Variants in SPIDR observed in about 807,000 individuals in gnomAD.
SPIDR encodes the protein DNA repair-scaffolding protein.
SPIDR carries 93 observed loss-of-function variants against 104.6 expected under a neutral mutation model. The observed-to-expected ratio is 0.89, with a 90% CI of 0.75 to 1.06. The LOEUF is 1.06. Ranked by LOEUF, SPIDR falls within the 50% of genes least tolerant of loss-of-function variation. The pLI, the probability that SPIDR is intolerant of heterozygous loss-of-function variation, is 0.00. For missense variants in SPIDR, 1,154 were observed against 1,111.2 expected, an observed-to-expected ratio of 1.04 and a Z score of -0.55; for synonymous variants, 431 against 416.9, an observed-to-expected ratio of 1.03 and a Z score of -0.41.
chr8:47,425,281 G>A (rs1554683919), intron 7 of SPIDR, among the ~76,000 whole-genome samples: 3 of 152,146 alleles, frequency 2.0e-5, no homozygotes, highest in African/African-American at 7.2e-5. Context: ...CAGTTGCTCA[G>A]CAGGGGCCTC....
At chr8:47,506,665 A>G (rs747409020) in intron 8 of SPIDR, among the ~76,000 whole-genome samples, 1 of 152,126 alleles carries the variant, frequency 6.6e-6, no homozygotes, top group Admixed American at 6.5e-5. Context: ...GTTACTACCC[A>G]TTTTGTGGTC....
chr8:47,286,516 GT>G (rs1219345691), intron 3 of SPIDR, among the ~76,000 whole-genome samples: 1 of 152,206 alleles, frequency 6.6e-6, no homozygotes, highest in Non-Finnish European at 1.5e-5. Flanking sequence ...TGGGGCTGCA[GT>G]GTGCTGTGAT....
intron 16 of SPIDR, among the ~76,000 whole-genome samples, chr8:47,722,154 A>G (rs780755263): frequency 6.6e-6 from 1 of 152,184 alleles, no homozygotes; most frequent in Non-Finnish European, 1.5e-5. Context: ...TGTAAATAGT[A>G]TTATTTTTAA....
Position 47,333,669 on chromosome 8 carries a change from A to G in SPIDR, c.525+39639A>G, listed in dbSNP as rs528780990. On this transcript the variant is annotated intron_variant, in intron 5 of 19. Coordinates refer to ENST00000297423, the MANE Select transcript of SPIDR (RefSeq NM_001080394.4). ...AAATACATAGATTAGTACCATAGTC[A>G]TTATCAAACACATACATAATTATAT... Among the ~76,000 whole-genome samples the G allele has an allele frequency of 2.0e-5, 3 of 152,332 alleles. No homozygotes were observed. In the East Asian group the frequency reaches 5.8e-4, roughly 29 times the overall value.
At chr8:47,450,838 C>T (rs2071583065) in intron 8 of SPIDR, among the ~76,000 whole-genome samples, 1 of 152,314 alleles carries the variant, frequency 6.6e-6, no homozygotes, top group Non-Finnish European at 1.5e-5. Flanking sequence ...TGGAATTCTA[C>T]AGTCCAGTTG....
At chr8:47,682,099 A>C (rs1415331536) in intron 11 of SPIDR, among the ~76,000 whole-genome samples, 1 of 152,112 alleles carries the variant, frequency 6.6e-6, no homozygotes, top group Non-Finnish European at 1.5e-5. Flanking sequence ...ACATCACCCC[A>C]ATGCAAACAG....
chr8:47,649,194 G>A (rs1485865356), intron 10 of SPIDR, among the ~76,000 whole-genome samples: 2 of 151,632 alleles, frequency 1.3e-5, no homozygotes, highest in Non-Finnish European at 2.9e-5. Context: ...AGTGCACAAT[G>A]ATCATTCCTG....
At chr8:47,419,610 C>G (rs1303936120) in intron 7 of SPIDR, among the ~76,000 whole-genome samples, 4 of 152,120 alleles carry the variant, frequency 2.6e-5, no homozygotes, top group Admixed American at 6.5e-5. Context: ...TTTTGTGTCT[C>G]TATTTCCTTC....
chr8:47,402,083 A>G (rs1227227392), intron 6 of SPIDR, among the ~76,000 whole-genome samples: 3 of 152,236 alleles, frequency 2.0e-5, no homozygotes, highest in Admixed American at 2.0e-4. Context: ...CATAGTTGGA[A>G]GTAAAGCATT....
chr8:47,321,464 A>G (rs1257701569), intron 5 of SPIDR, among the ~76,000 whole-genome samples: 4 of 152,198 alleles, frequency 2.6e-5, no homozygotes, highest in Non-Finnish European at 4.4e-5. Context: ...CAAACAGAAG[A>G]ACATTCCATG....
intron 8 of SPIDR, among the ~76,000 whole-genome samples, chr8:47,472,791 G>A (rs147814165): frequency 6.6e-6 from 1 of 152,324 alleles, no homozygotes; most frequent in East Asian, 1.9e-4. Flanking sequence ...GGACTTTATA[G>A]TTAGAGCAAT....
chr8:47,620,448 A>G (rs1301667471), intron 10 of SPIDR, among the ~76,000 whole-genome samples: 4 of 151,756 alleles, frequency 2.6e-5, no homozygotes, highest in African/African-American at 9.7e-5. Flanking sequence ...TTTTATTTTT[A>G]GTAGAGACGG....
chr8:47,423,403 T>A (rs1554682509), intron 7 of SPIDR, among the ~76,000 whole-genome samples: 1 of 151,806 alleles, frequency 6.6e-6, no homozygotes, highest in African/African-American at 2.4e-5. Flanking sequence ...GCCAGGAGTT[T>A]GAGACCAGTC....
At chr8:47,702,844 C>A (rs2080508521) in intron 14 of SPIDR, among the ~76,000 whole-genome samples, 1 of 152,172 alleles carries the variant, frequency 6.6e-6, no homozygotes, top group East Asian at 1.9e-4. Flanking sequence ...GCCCCAGATG[C>A]CTGCACTCAC....
chr8:47,451,885 C>T (rs1272940209), intron 8 of SPIDR, among the ~76,000 whole-genome samples: 1 of 152,150 alleles, frequency 6.6e-6, no homozygotes, highest in East Asian at 1.9e-4. Context: ...AGTGATCAAG[C>T]GCAGCAATTA....
intron 10 of SPIDR, among the ~76,000 whole-genome samples, chr8:47,634,853 C>T (rs1462762206): frequency 1.3e-5 from 2 of 152,208 alleles, no homozygotes; most frequent in Non-Finnish European, 2.9e-5. Flanking sequence ...TGTACTGCCT[C>T]CACAGAAATG....
At chr8:47,537,976 A>G (rs1214524030) in intron 8 of SPIDR, among the ~76,000 whole-genome samples, 1 of 152,190 alleles carries the variant, frequency 6.6e-6, no homozygotes. Flanking sequence ...CAGGAGTTCG[A>G]GACCAGCCTG....
At chr8:47,629,822 A>G (rs961689891) in intron 10 of SPIDR, among the ~76,000 whole-genome samples, 5 of 152,276 alleles carry the variant, frequency 3.3e-5, no homozygotes, top group African/African-American at 1.2e-4. Context: ...TAATTTGCCA[A>G]CCTCTAATCT....
chr8:47,348,145 G>C (rs1554619623), intron 5 of SPIDR, among the ~76,000 whole-genome samples: 1 of 152,098 alleles, frequency 6.6e-6, no homozygotes, highest in African/African-American at 2.4e-5. Flanking sequence ...CAGGCCTGGT[G>C]GTGACAAACT....
Sources: gnomAD v4.1 joint callset for allele counts (sites outside exome capture counted in the v4.1 genomes callset) on GRCh38, gnomAD v4.1.1 for gene constraint, MANE v1.5 for transcripts, NCBI Gene and HGNC (gene_info 2026-07-23, HGNC 2026-07-21) for gene names.